ASIC2: variants seen among roughly 807,000 people sequenced by gnomAD.
The protein encoded by ASIC2 is acid sensing ion channel subunit 2.
ASIC2 carries 25 observed loss-of-function variants against 57.3 expected under a neutral mutation model. The observed-to-expected ratio is 0.44, with a 90% CI of 0.32 to 0.61. The LOEUF (loss-of-function observed/expected upper bound fraction) is 0.61, where lower values mean the gene tolerates loss of function less well. ASIC2 is among the 20% of genes least tolerant of loss of function. ASIC2 has a pLI of 0.06. For missense variants in ASIC2, 641 were observed against 738.1 expected (o/e 0.87, Z 1.52); for synonymous variants, 319 against 307.5 (o/e 1.04, Z -0.39).
At chr17:33,997,645 C>G (rs1180119474) in intron 1 of ASIC2, among the ~76,000 whole-genome samples, 3 of 152,002 alleles carry the variant, frequency 2.0e-5, no homozygotes, top group Non-Finnish European at 4.4e-5. Context: ...TAATTTTTAT[C>G]CTTCATTCTG....
chr17:33,089,208 C>T lies in ASIC2; in HGVS notation c.860-218G>A, dbSNP rs76377143. On this transcript the variant is annotated intron_variant, in intron 2 of 9. Transcript: ENST00000225823. ...TGTGATTGAGTTAAAGTTCTTGAGACGGAGAGACTACCCTAAATTATGCAA... is the reference window on the plus strand; with the variant it reads ...TGTGATTGAGTTAAAGTTCTTGAGATGGAGAGACTACCCTAAATTATGCAA... 6.6e-4 allele frequency among the ~76,000 whole-genome samples: 100 copies of T among 152,238 alleles called. 1 individual carries two copies. In the East Asian group the frequency reaches 0.013, roughly 19 times the overall value.
chr17:33,413,968 G>A (rs1910750033), intron 1 of ASIC2, among the ~76,000 whole-genome samples: 1 of 152,196 alleles, frequency 6.6e-6, no homozygotes, highest in African/African-American at 2.4e-5. Flanking sequence ...CCAGGACTTG[G>A]GGAAGGCAGG....
At chr17:33,310,631 T>A (rs774796917) in intron 1 of ASIC2, among the ~76,000 whole-genome samples, 17 of 152,218 alleles carry the variant, frequency 1.1e-4, no homozygotes, top group Non-Finnish European at 2.1e-4. Flanking sequence ...TGCAAGGGTT[T>A]GATCCTTACC....
chr17:33,729,220 G>A (rs1222348822), intron 1 of ASIC2, among the ~76,000 whole-genome samples: 1 of 152,168 alleles, frequency 6.6e-6, no homozygotes, highest in Non-Finnish European at 1.5e-5. Flanking sequence ...AGGAGAAGGG[G>A]GAGCAGATGC....
At chr17:33,529,292 G>A (rs1196207475) in intron 1 of ASIC2, among the ~76,000 whole-genome samples, 1 of 152,196 alleles carries the variant, frequency 6.6e-6, no homozygotes, top group East Asian at 1.9e-4. Context: ...AGAATCTCCA[G>A]GGGGTAGGAA....
chr17:33,886,640 C>A (rs1914836055), intron 1 of ASIC2, among the ~76,000 whole-genome samples: 1 of 152,132 alleles, frequency 6.6e-6, no homozygotes, highest in African/African-American at 2.4e-5. Flanking sequence ...GGACCCAGAT[C>A]TGACTTGGGT....
intron 1 of ASIC2, among the ~76,000 whole-genome samples, chr17:33,982,085 T>A (rs1490869479): frequency 6.6e-6 from 1 of 152,180 alleles, no homozygotes; most frequent in Non-Finnish European, 1.5e-5. Context: ...CAGATCTGCA[T>A]CCTTGTTCTC....
intron 1 of ASIC2, among the ~76,000 whole-genome samples, chr17:34,089,722 C>T (rs1408616941): frequency 1.3e-5 from 2 of 152,124 alleles, no homozygotes; most frequent in African/African-American, 4.8e-5. Flanking sequence ...AGACTCATTT[C>T]ATCCCCTCAG....
At chr17:33,198,807 A>G (rs1377460805) in intron 1 of ASIC2, among the ~76,000 whole-genome samples, 1 of 152,254 alleles carries the variant, frequency 6.6e-6, no homozygotes, top group Non-Finnish European at 1.5e-5. Flanking sequence ...CAGCTAGGGT[A>G]AGATGCATGG....
In ASIC2 at chr17:33,862,894, G is replaced by T. The variant is rs190108207; in HGVS notation, c.555+293084C>A. Among the ~76,000 whole-genome samples, 8 of 152,306 alleles carry T rather than the reference G, an allele frequency of 5.3e-5. No homozygotes were observed. The East Asian group carries it at 1.5e-3, about 29-fold the overall frequency. On this transcript the variant is annotated intron_variant, in intron 1 of 9. Coordinates refer to the ASIC2 transcript ENST00000359872. ...GTTGAAGACTTGGTGAAGACCAGTG[G>T]TTCACCAAGCAGCATGAAGACTGCC...
At chr17:34,099,363 GAAGGAAAGAAA>G (rs1910718904) in intron 1 of ASIC2, among the ~76,000 whole-genome samples, 1 of 142,546 alleles carries the variant, frequency 7.0e-6, no homozygotes, top group African/African-American at 2.6e-5. Context: ...AAGAAGGAAG[GAAGGAAAGAAA>G]GAAAAAAGAG....
intron 1 of ASIC2, among the ~76,000 whole-genome samples, chr17:33,146,100 A>G (rs1904551467): frequency 6.6e-6 from 1 of 152,224 alleles, no homozygotes; most frequent in Non-Finnish European, 1.5e-5. Flanking sequence ...CAATGGCCCC[A>G]GGCAGGTGCT....
At chr17:33,768,295 C>A (rs2142118056) in intron 1 of ASIC2, among the ~76,000 whole-genome samples, 1 of 152,224 alleles carries the variant, frequency 6.6e-6, no homozygotes, top group South Asian at 2.1e-4. Flanking sequence ...CGTGAGCCAC[C>A]AAGCCCAGCC....
rs375118732 is a variant in ASIC2 at position 33,253,727 on chromosome 17, T to C, written c.708+37681A>G. 5.3e-5 allele frequency among the ~76,000 whole-genome samples: 8 copies of C among 152,266 alleles called. No homozygotes were observed. The East Asian group carries it at 1.2e-3, about 22-fold the overall frequency. ...CACGAAAAGAAGAGGAAAGTGAGGATCTGATTTTAAAAAGAGGATTTTTAA... is the reference window on the plus strand; with the variant it reads ...CACGAAAAGAAGAGGAAAGTGAGGACCTGATTTTAAAAAGAGGATTTTTAA... On this transcript the variant is annotated intron_variant, in intron 1 of 9. Transcript: ENST00000225823.
chr17:33,168,541 G>A (rs1905390969), intron 1 of ASIC2, among the ~76,000 whole-genome samples: 1 of 152,194 alleles, frequency 6.6e-6, no homozygotes, highest in Non-Finnish European at 1.5e-5. Flanking sequence ...AGACAAAAAT[G>A]AGGAACAAGG....
chr17:33,298,403 C>T (rs1905811780), intron 1 of ASIC2, among the ~76,000 whole-genome samples: 1 of 152,146 alleles, frequency 6.6e-6, no homozygotes, highest in African/African-American at 2.4e-5. Context: ...CAGCTTCATC[C>T]ATGTCCCTAC....
At chr17:33,452,727 G>A (rs371135085) in intron 1 of ASIC2, among the ~76,000 whole-genome samples, 6 of 141,688 alleles carry the variant, frequency 4.2e-5, no homozygotes, top group African/African-American at 1.6e-4. Context: ...TCTTTGTTTG[G>A]AACAGAGTGG....
intron 1 of ASIC2, chr17:34,006,800 A>G (rs1906541187): frequency 1.3e-5 from 2 of 152,174 alleles, no homozygotes; most frequent in African/African-American, 4.8e-5. Context: ...TAGGAACTAG[A>G]TAAGTTGGTC....
chr17:34,031,196 C>T (rs1396327082), intron 1 of ASIC2, among the ~76,000 whole-genome samples: 3 of 152,212 alleles, frequency 2.0e-5, no homozygotes, highest in African/African-American at 7.2e-5. Flanking sequence ...GCAGCATTTG[C>T]GGTTCACCAA....
Sources: allele counts gnomAD v4.1 joint callset (sites outside exome capture counted in the v4.1 genomes callset), GRCh38; gene constraint gnomAD v4.1.1; transcripts MANE v1.5; gene names NCBI Gene and HGNC (gene_info 2026-07-23, HGNC 2026-07-21).